CAMK1D: variants seen among roughly 807,000 people sequenced by gnomAD.
The protein encoded by CAMK1D is calcium/calmodulin-dependent protein kinase type 1D.
CAMK1D carries 9 observed loss-of-function variants against 47.7 expected under a neutral mutation model. The ratio of observed to expected loss-of-function variants is 0.19; its 90% confidence interval spans 0.11 to 0.33. The LOEUF is 0.33. Ranked by LOEUF, CAMK1D falls within the 10% of genes least tolerant of loss-of-function variation. The probability of loss-of-function intolerance (pLI) is 1.00; values close to 1 mark genes in which losing one functional copy is unlikely to be tolerated. For synonymous variants in CAMK1D, 184 were observed against 184.9 expected (o/e 0.99, Z 0.04); for missense variants, 291 against 488.7 (o/e 0.60, Z 3.81).
intron 3 of CAMK1D, among the ~76,000 whole-genome samples, chr10:12,745,257 C>T (rs979352710): frequency 1.3e-5 from 2 of 152,178 alleles, no homozygotes; most frequent in Non-Finnish European, 1.5e-5. Flanking sequence ...GTCTCGATTT[C>T]CTGATCTCGT....
chr10:12,424,866 A>G (rs995728484), intron 1 of CAMK1D, among the ~76,000 whole-genome samples: 10 of 151,900 alleles, frequency 6.6e-5, no homozygotes, highest in Admixed American at 1.3e-4. Context: ...GCTTCATTCA[A>G]CTCCCTCTTG....
intron 1 of CAMK1D, among the ~76,000 whole-genome samples, chr10:12,453,950 A>G (rs949948442): frequency 2.6e-5 from 4 of 152,162 alleles, no homozygotes; most frequent in African/African-American, 9.7e-5. Flanking sequence ...CTCTCTCTGT[A>G]CAAGTCACCA....
chr10:12,704,884 T>C (rs547276119), intron 3 of CAMK1D, among the ~76,000 whole-genome samples: 1 of 152,262 alleles, frequency 6.6e-6, no homozygotes, highest in African/African-American at 2.4e-5. Context: ...CTTGCAGCGG[T>C]GGTATTGGCA....
intron 6 of CAMK1D, 48 bp from the exon 7 acceptor site, chr10:12,814,147 A>G: frequency 8.1e-7 from 1 of 1,235,490 alleles, no homozygotes; most frequent in Non-Finnish European, 1.2e-6. Context: ...TACAGTCACC[A>G]CACTGGTTAT....
intron 1 of CAMK1D, among the ~76,000 whole-genome samples, chr10:12,467,295 G>A (rs1202285210): frequency 3.9e-5 from 6 of 152,110 alleles, no homozygotes; most frequent in Non-Finnish European, 8.8e-5. Context: ...TGGGATTACA[G>A]GTAGCTGCCA....
intron 8 of CAMK1D, among the ~76,000 whole-genome samples, chr10:12,818,768 GAATTCCCTTCACC>G (rs1350337485): frequency 1.2e-4 from 18 of 152,268 alleles, no homozygotes; most frequent in Non-Finnish European, 2.1e-4. Context: ...ATTCCAAAAT[GAATTCCCTTCACC>G]ATCACACTGG....
Position 12,423,649 on chromosome 10 carries a change from G to A in CAMK1D, c.92+73739G>A, listed in dbSNP as rs544519107. On this transcript the variant is annotated intron_variant, in intron 1 of 10. Transcript: ENST00000619168. ...AGGGAACCTCTGTTGGTCTGGAAGC[G>A]TCAGCGGCAGAAATTCAGTCTTCCT... Among the ~76,000 whole-genome samples, 7 of 152,314 alleles carry A rather than the reference G, an allele frequency of 4.6e-5. No individual in the cohort carries two copies. The South Asian group carries it at 1.0e-3, about 23-fold the overall frequency.
At chr10:12,563,690 A>AGAGAGAGAGAGAGAGAGG (rs1564414460) in intron 2 of CAMK1D, among the ~76,000 whole-genome samples, 2 of 72,234 alleles carry the variant, frequency 2.8e-5, no homozygotes, top group African/African-American at 7.4e-5. Flanking sequence ...AGAGAGAGAG[A>AGAGAGAGAGAGAGAGAGG]GAGAGAGAGG....
At chr10:12,717,891 C>CAAAAAAAAAAAAAA (rs1181845465) in intron 3 of CAMK1D, among the ~76,000 whole-genome samples, 1 of 52,896 alleles carries the variant, frequency 1.9e-5, no homozygotes, top group African/African-American at 7.0e-5. Flanking sequence ...GAGACCCTGT[C>CAAAAAAAAAAAAAA]AAAAAAAAAA....
At chr10:12,695,060 A>ATACATAGATACATAGG (rs1554811993) in intron 3 of CAMK1D, among the ~76,000 whole-genome samples, 14 of 85,914 alleles carry the variant, frequency 1.6e-4, no homozygotes, top group Non-Finnish European at 3.8e-4. Context: ...AGATAGATAG[A>ATACATAGATACATAGG]TAGATACATA....
At chr10:12,619,749 G>A (rs1588697255) in intron 2 of CAMK1D, among the ~76,000 whole-genome samples, 1 of 151,988 alleles carries the variant, frequency 6.6e-6, no homozygotes, top group African/African-American at 2.4e-5. Context: ...CTGTAGTACA[G>A]TATTACAACC....
At chr10:12,560,534 C>T (rs1336926104) in intron 2 of CAMK1D, among the ~76,000 whole-genome samples, 2 of 126,818 alleles carry the variant, frequency 1.6e-5, no homozygotes, top group African/African-American at 6.2e-5. Context: ...GCCTGGGCAA[C>T]GAGAGGAAAA....
chr10:12,473,249 A>G (rs138307667), intron 1 of CAMK1D, among the ~76,000 whole-genome samples: 14 of 152,310 alleles, frequency 9.2e-5, no homozygotes, highest in Non-Finnish European at 2.1e-4. Flanking sequence ...CTGTGGCCAC[A>G]TCGTGAAGAC....
At chr10:12,514,177 A>G (rs1170394762) in intron 1 of CAMK1D, among the ~76,000 whole-genome samples, 2 of 152,210 alleles carry the variant, frequency 1.3e-5, no homozygotes, top group African/African-American at 2.4e-5. Context: ...GAATGCTCAT[A>G]GCAACCAGCT....
Position 12,835,255 on chromosome 10 carries a change from C to T in CAMK1D, c.*6368C>T, listed in dbSNP as rs868557723. 1 of 152,164 alleles carries T rather than the reference C, an allele frequency of 6.6e-6. No individual in the cohort carries two copies. Among genetic ancestry groups the T allele is most frequent in the African/African-American group, 2.4e-5 (1 of 41,424 alleles). 9.4% of individuals were successfully genotyped at this position (152,164 alleles called of 1,614,324 possible). A position where few individuals can be genotyped will look rare whatever the true frequency, so the allele number is the denominator to read the frequency against. On this transcript the variant is annotated 3_prime_UTR_variant, in exon 11 of 11. Coordinates refer to ENST00000619168, the MANE Select transcript of CAMK1D (RefSeq NM_153498.4). ...TTCCCAAAAAATTACAACATCAAAA[C>T]CAGGAATGTCCCCGCATCTACTATT...
chr10:12,659,521 C>T (rs921899991), intron 2 of CAMK1D, among the ~76,000 whole-genome samples: 5 of 152,162 alleles, frequency 3.3e-5, no homozygotes, highest in African/African-American at 1.2e-4. Context: ...TACCATCTGG[C>T]CAATATTTCA....
chr10:12,385,739 C>CTT lies in CAMK1D; in HGVS notation c.92+35852_92+35853dup, dbSNP rs71384318. 6.2e-3 allele frequency among the ~76,000 whole-genome samples: 624 copies of CTT among 100,482 alleles called. 13 individuals carry two copies. Among genetic ancestry groups the CTT allele is most frequent in the Middle Eastern group, 8.9e-3 (1 of 112 alleles). The allele number at this position is 100,482 out of a possible 152,430, so 65.9% of individuals were successfully genotyped here. The stretch of plus-strand genomic sequence containing the variant: ...TTATACTGAGAACCATTGAATTGTA[C>CTT]TTTTTTTTTTTTTTTTTTTTTTTTA... On this transcript the variant is annotated intron_variant, in intron 1 of 10. Coordinates refer to ENST00000619168, the MANE Select transcript of CAMK1D (RefSeq NM_153498.4).
chr10:12,578,248 A>T (rs11257901), intron 2 of CAMK1D, among the ~76,000 whole-genome samples: 36,471 of 151,790 alleles, frequency 0.24, 5,405 homozygotes, highest in Non-Finnish European at 0.32. Context: ...CTAATTTTTT[A>T]AAAAATGTTT....
chr10:12,824,336 C>A, intron 8 of CAMK1D, 129 bp from the exon 9 acceptor site: 1 of 713,786 alleles, frequency 1.4e-6, no homozygotes, highest in South Asian at 1.7e-5. Flanking sequence ...CCTGGAAGGG[C>A]AGCGGCCAGC....
Sources: gnomAD v4.1 joint callset for allele counts (sites outside exome capture counted in the v4.1 genomes callset) on GRCh38, gnomAD v4.1.1 for gene constraint, MANE v1.5 for transcripts, NCBI Gene and HGNC (gene_info 2026-07-23, HGNC 2026-07-21) for gene names.